REEP3: variants seen among roughly 807,000 people sequenced by gnomAD.
REEP3 encodes the protein receptor expression-enhancing protein 3.
Under a neutral mutation model 41.3 loss-of-function variants are expected in REEP3, and 20 were observed. That is an observed-to-expected ratio of 0.48 (90% CI 0.34 to 0.70). The LOEUF is 0.70. REEP3 is among the 30% of genes least tolerant of loss of function. The probability of loss-of-function intolerance (pLI) is 0.01; values close to 1 mark genes in which losing one functional copy is unlikely to be tolerated. For missense variants in REEP3, 271 were observed against 308.8 expected (o/e 0.88, Z 0.92); for synonymous variants, 104 against 101.8 (o/e 1.02, Z -0.13).
chr10:63,547,172 A>T (rs1955587105), intron 1 of REEP3, among the ~76,000 whole-genome samples: 1 of 152,124 alleles, frequency 6.6e-6, no homozygotes, highest in Admixed American at 6.5e-5. Flanking sequence ...TGCCTGCCTC[A>T]GCCTCCCAAA....
chr10:63,566,479 T>C (rs1381710126), intron 2 of REEP3, 69 bp downstream of exon 2: 3 of 885,944 alleles, frequency 3.4e-6, no homozygotes, highest in Middle Eastern at 2.2e-4. Flanking sequence ...AAAACTGCTA[T>C]TCTCTTAGAA....
At chr10:63,535,213 GA>G (rs908174197) in intron 1 of REEP3, among the ~76,000 whole-genome samples, 47 of 151,714 alleles carry the variant, frequency 3.1e-4, no homozygotes, top group African/African-American at 1.1e-3. Context: ...GACATAAGGG[GA>G]AAAAAAGATG....
intron 2 of REEP3, among the ~76,000 whole-genome samples, chr10:63,582,186 C>A (rs187049192): frequency 5.3e-5 from 8 of 152,342 alleles, no homozygotes; most frequent in Admixed American, 3.3e-4. Context: ...GCTTCAGATT[C>A]TGCATTTCCA....
At chr10:63,593,211 C>T (rs1397877312) in intron 2 of REEP3, among the ~76,000 whole-genome samples, 1 of 152,112 alleles carries the variant, frequency 6.6e-6, no homozygotes, top group East Asian at 1.9e-4. Context: ...CTGCGAAATA[C>T]CCAAACAAGC....
At chr10:63,607,722 C>G (rs1167032859) in intron 5 of REEP3, among the ~76,000 whole-genome samples, 2 of 152,198 alleles carry the variant, frequency 1.3e-5, no homozygotes, top group Non-Finnish European at 2.9e-5. Context: ...AGATTTGTCC[C>G]TCTCCTCTAG....
Position 63,619,846 on chromosome 10 carries a change from T to A in REEP3, c.711+46T>A, listed in dbSNP as rs572128746. The stretch of plus-strand genomic sequence containing the variant: ...TTTTCCTAATGATTAGTGAAGGATT[T>A]CCCTGCTGTGTTATCATTTAGGATA... On this transcript the variant is annotated intron_variant, in intron 7 of 7. Transcript: ENST00000373758. 29 of 1,531,146 alleles carry A rather than the reference T, an allele frequency of 1.9e-5. No homozygotes were observed. The Admixed American group carries it at 4.3e-4, about 22-fold the overall frequency. 94.8% of individuals were successfully genotyped at this position (1,531,146 alleles called of 1,614,324 possible). A position where few individuals can be genotyped will look rare whatever the true frequency, so the allele number is the denominator to read the frequency against.
intron 1 of REEP3, among the ~76,000 whole-genome samples, chr10:63,522,108 A>G (rs1589852225): frequency 6.6e-6 from 1 of 152,008 alleles, no homozygotes; most frequent in Non-Finnish European, 1.5e-5. Context: ...GCTGATTGCC[A>G]TTCGGTCACG....
chr10:63,527,221 G>C (rs1021780073), intron 1 of REEP3, among the ~76,000 whole-genome samples: 1 of 151,220 alleles, frequency 6.6e-6, no homozygotes, highest in African/African-American at 2.4e-5. Context: ...CTTCTTTTCA[G>C]CTTCATCTCT....
intron 5 of REEP3, among the ~76,000 whole-genome samples, chr10:63,603,225 A>G (rs1366532875): frequency 7.0e-6 from 1 of 143,406 alleles, no homozygotes; most frequent in African/African-American, 2.6e-5. Context: ...AGGCAGGAGA[A>G]TGGTGTGAAC....
At chr10:63,584,788 G>C (rs1361743924) in intron 2 of REEP3, among the ~76,000 whole-genome samples, 1 of 152,152 alleles carries the variant, frequency 6.6e-6, no homozygotes, top group Non-Finnish European at 1.5e-5. Context: ...TGTTTTGGGT[G>C]AATTGACTTG....
intron 2 of REEP3, among the ~76,000 whole-genome samples, chr10:63,578,286 G>A (rs1229466712): frequency 6.6e-6 from 1 of 151,962 alleles, no homozygotes; most frequent in Non-Finnish European, 1.5e-5. Flanking sequence ...TTTTAGTAGA[G>A]ACGGGGTTTC....
intron 1 of REEP3, chr10:63,563,005 G>A: frequency 2.2e-6 from 1 of 456,520 alleles, no homozygotes; most frequent in South Asian, 1.5e-5. Context: ...CTTCTAAGAA[G>A]AGATTAGGCC....
intron 1 of REEP3, among the ~76,000 whole-genome samples, chr10:63,555,911 T>C (rs1955674224): frequency 6.6e-6 from 1 of 152,190 alleles, no homozygotes; most frequent in Non-Finnish European, 1.5e-5. Context: ...AGGGGCACTT[T>C]TCAAATAATT....
intron 2 of REEP3, among the ~76,000 whole-genome samples, chr10:63,580,720 A>G (rs1486418809): frequency 6.6e-6 from 1 of 152,192 alleles, no homozygotes; most frequent in African/African-American, 2.4e-5. Context: ...ACTACCTATA[A>G]TTTTTATTAA....
intron 2 of REEP3, among the ~76,000 whole-genome samples, chr10:63,575,689 G>A (rs1221500404): frequency 1.3e-5 from 2 of 151,968 alleles, no homozygotes; most frequent in Non-Finnish European, 2.9e-5. Context: ...CTTAGTTCCT[G>A]AGAATATGAC....
intron 2 of REEP3, among the ~76,000 whole-genome samples, chr10:63,590,808 C>T (rs887402918): frequency 3.3e-5 from 5 of 152,034 alleles, no homozygotes; most frequent in African/African-American, 1.2e-4. Context: ...CAATTGTTTC[C>T]GAACTGGAAA....
intron 2 of REEP3, among the ~76,000 whole-genome samples, chr10:63,583,542 G>A (rs2133391378): frequency 6.6e-6 from 1 of 152,276 alleles, no homozygotes; most frequent in South Asian, 2.1e-4. Context: ...CTCGGTTAAT[G>A]TCCTTTGTGG....
At chr10:63,587,090 A>AT (rs1484020037) in intron 2 of REEP3, among the ~76,000 whole-genome samples, 1 of 151,204 alleles carries the variant, frequency 6.6e-6, no homozygotes, top group Non-Finnish European at 1.5e-5. Flanking sequence ...TTCTTGGCCT[A>AT]TTGAAAGTAG....
chr10:63,616,800 G>GA (rs1194624054), intron 6 of REEP3, among the ~76,000 whole-genome samples: 2 of 150,838 alleles, frequency 1.3e-5, no homozygotes, highest in Non-Finnish European at 3.0e-5. Flanking sequence ...ACATCAATAG[G>GA]AAAAAAAATC....
Sources: gnomAD v4.1 joint callset for allele counts (sites outside exome capture counted in the v4.1 genomes callset) on GRCh38, gnomAD v4.1.1 for gene constraint, MANE v1.5 for transcripts, NCBI Gene and HGNC (gene_info 2026-07-23, HGNC 2026-07-21) for gene names.